The following EIF3A variants were observed in gnomAD, a reference collection of about 807,000 sequenced individuals.
The protein encoded by EIF3A is EIF3, p180 subunit.
A neutral mutation model predicts 186.6 loss-of-function variants in EIF3A; 21 were observed. The ratio of observed to expected loss-of-function variants is 0.11; its 90% CI spans 0.08 to 0.16. The LOEUF is 0.16. Ranked by LOEUF, EIF3A falls within the 10% of genes least tolerant of loss-of-function variation. The pLI, the probability that EIF3A is intolerant of heterozygous loss-of-function variation, is 1.00. For synonymous variants in EIF3A, 563 were observed against 584.3 expected (o/e 0.96, Z 0.52); for missense variants, 1,306 against 1,796.3 (o/e 0.73, Z 4.93).
chr10:119,036,298 A>T lies in EIF3A; in HGVS notation c.3920-30T>A, dbSNP rs770255820. The T allele has an allele frequency of 4.1e-6, 6 of 1,465,692 alleles. No homozygotes were observed. In the East Asian group the frequency reaches 1.2e-4, roughly 29 times the overall value. 90.8% of individuals were successfully genotyped at this position (1,465,692 alleles called of 1,614,324 possible). On this transcript the variant is annotated intron_variant, in intron 21 of 21. Transcript: ENST00000369144. ...AAAGTTTAATTAAAAAAAAAAAATTAAGTTAGTACTATATTCTATTGGCTC... is the reference window on the plus strand; with the variant it reads ...AAAGTTTAATTAAAAAAAAAAAATTTAGTTAGTACTATATTCTATTGGCTC...
Position 119,042,047 on chromosome 10 carries a change from G to A in EIF3A, c.3473C>T (p.Pro1158Leu). The A allele has an allele frequency of 1.2e-6, 2 of 1,614,170 alleles. No homozygotes were observed. The highest frequency in any genetic ancestry group is 1.1e-5 in the South Asian group (1 of 91,086). The change falls in exon 19 of 22, where the codon CCC (proline) becomes CTC (leucine). Residue 1158 changes from proline (P) to leucine (L), a missense_variant. Physicochemically the swap from Pro to Leu is moderately conservative, Grantham distance 98. Around this residue, in one of 8 missense-constraint regions of EIF3A, gnomAD observed 331 missense variants for 365.8 expected, o/e 0.90. Coordinates refer to ENST00000369144, the MANE Select transcript of EIF3A (RefSeq NM_003750.4). The surrounding 1 kb of genome is among the most constrained non-coding windows in gnomAD (Gnocchi z 7.8). ...LSRRADDDRFPRRGDDSRPGP... is the reference protein window; with the variant it reads ...LSRRADDDRFLRRGDDSRPGP... ...AGGTCTTGAGTCATCACCCCGTCTG[G>A]GAAACCGATCATCATCAGCACGTCT...
intron 7 of EIF3A, among the ~76,000 whole-genome samples, chr10:119,064,993 A>G (rs1843948442): frequency 6.6e-6 from 1 of 152,124 alleles, no homozygotes; most frequent in Non-Finnish European, 1.5e-5. Flanking sequence ...TACAGACGTG[A>G]GCCACCACAC....
intron 1 of EIF3A, among the ~76,000 whole-genome samples, chr10:119,078,012 A>G (rs544137494): frequency 2.0e-5 from 3 of 152,350 alleles, no homozygotes; most frequent in South Asian, 4.1e-4. Flanking sequence ...TGGATGGGTG[A>G]GCATTTGGAG....
chr10:119,070,859 GA>G (rs1197952109), intron 5 of EIF3A, 26 bp downstream of exon 5: 1 of 1,528,038 alleles, frequency 6.5e-7, no homozygotes. Context: ...TTATTTCTAG[GA>G]AGAAAAGCTA....
At chr10:119,052,809 T>C (rs1242846892) in intron 14 of EIF3A, among the ~76,000 whole-genome samples, 1 of 152,230 alleles carries the variant, frequency 6.6e-6, no homozygotes, top group East Asian at 1.9e-4. Flanking sequence ...AATGCTGATA[T>C]TTTGACCTCC....
intron 11 of EIF3A, among the ~76,000 whole-genome samples, chr10:119,058,527 G>C (rs1347958358): frequency 6.6e-6 from 1 of 152,200 alleles, no homozygotes; most frequent in Non-Finnish European, 1.5e-5. Context: ...AGCTCTCCTA[G>C]ATAAGACAAC....
intron 7 of EIF3A, among the ~76,000 whole-genome samples, chr10:119,062,053 T>G (rs1339108508): frequency 6.6e-6 from 1 of 152,210 alleles, no homozygotes; most frequent in Non-Finnish European, 1.5e-5. Context: ...CACTCAGGTC[T>G]AAGGTTAACT....
chr10:119,044,450 A>G (rs921744054), intron 17 of EIF3A, among the ~76,000 whole-genome samples: 2 of 152,236 alleles, frequency 1.3e-5, no homozygotes, highest in African/African-American at 4.8e-5. Flanking sequence ...AAAAAGCCAC[A>G]TGCCCTGAAA....
rs1843790609 is a variant in EIF3A, at chr10:119,056,848, G to A, written c.2088C>T (p.Asp696=). Residue 696 remains aspartate (D), a synonymous_variant, in exon 14 of 22, where the codon GAC becomes GAT. Coordinates refer to ENST00000369144, the MANE Select transcript of EIF3A (RefSeq NM_003750.4). The stretch of plus-strand genomic sequence containing the variant: ...CCAAACGTTTGGCTCTTTCAAAATA[G>A]TCAATCTGAATGACACGAAAACACA... ...ERLKNQEKKI[D]YFERAKRLEE... 1 of 1,611,032 alleles carries A rather than the reference G, an allele frequency of 6.2e-7. No individual in the cohort carries two copies. The highest frequency in any genetic ancestry group is 2.2e-5 in the East Asian group (1 of 44,796).
At position 119,058,210 on chromosome 10, in the gene EIF3A, T is replaced by C. The variant is rs1843822845; in HGVS notation, c.1723A>G (p.Ile575Val). Reference protein sequence around the residue: ...HQRILARRQTIEERKERLESL... With the variant: ...HQRILARRQTVEERKERLESL... ...TCAAGGCGCTCTTTTCTCTCCTCAA[T>C]TGTCTGGCGGCGAGCCAGGATCCGC... is the stretch of plus-strand genomic sequence containing the variant. The change falls in exon 12 of 22, where the codon ATT becomes GTT. Residue 575 changes from isoleucine to valine, a missense_variant. Ile to Val is a conservative substitution (Grantham distance 29, BLOSUM62 3). Transcript: ENST00000369144. The C allele has an allele frequency of 6.2e-7, 1 of 1,613,740 alleles. No homozygotes were observed. The highest frequency in any genetic ancestry group is 8.5e-7 in the Non-Finnish European group (1 of 1,179,948).
At chr10:119,071,754 G>T (rs138864256) in intron 4 of EIF3A, among the ~76,000 whole-genome samples, 1 of 152,280 alleles carries the variant, frequency 6.6e-6, no homozygotes, top group African/African-American at 2.4e-5. Context: ...AGCTGGGCGC[G>T]ATGGCTCACG....
At chr10:119,057,375 C>T (rs1843798192) in intron 12 of EIF3A, among the ~76,000 whole-genome samples, 1 of 152,218 alleles carries the variant, frequency 6.6e-6, no homozygotes, top group Non-Finnish European at 1.5e-5. Flanking sequence ...AAATTCCACA[C>T]CTGACCCATG....
intron 5 of EIF3A, among the ~76,000 whole-genome samples, chr10:119,070,245 T>C (rs924493557): frequency 7.9e-5 from 12 of 152,202 alleles, no homozygotes; most frequent in African/African-American, 2.9e-4. Flanking sequence ...ATATGGAACG[T>C]CTTTGTAGGA....
intron 14 of EIF3A, 93 bp downstream of exon 14, chr10:119,056,647 A>G (rs1355517056): frequency 4.9e-6 from 4 of 821,566 alleles, no homozygotes; most frequent in East Asian, 2.7e-5. Context: ...TAGCAGAAGA[A>G]TACAAAATAA....
intron 19 of EIF3A, among the ~76,000 whole-genome samples, chr10:119,039,344 C>T (rs1377794014): frequency 6.6e-6 from 1 of 152,086 alleles, no homozygotes; most frequent in African/African-American, 2.4e-5. Flanking sequence ...GGTGACCTCA[C>T]TGTTTAAAAT....
Position 119,060,792 on chromosome 10 carries a change from T to C in EIF3A, c.1280A>G (p.Tyr427Cys). The C allele has an allele frequency of 6.2e-7, 1 of 1,612,540 alleles. No homozygotes were observed. The highest frequency in any genetic ancestry group is 8.5e-7 in the Non-Finnish European group (1 of 1,179,334). ...QPEKEPELQQ[Y>C]VPQLQNNTIL... ...GGTGTTGTTTTGCAGTTGTGGCACA[T>C]ACTGCTGCAATTCCGGTTCCTTTTC... The change falls in exon 9 of 22, where the codon TAT becomes TGT. Residue 427 changes from tyrosine (Y) to cysteine (C), a missense_variant. Tyr to Cys is a radical substitution (Grantham distance 194). Transcript: ENST00000369144.
chr10:119,061,313 G>A lies in EIF3A; in HGVS notation c.1138C>T (p.Leu380=). The change falls in exon 8 of 22, where the codon CTA becomes TTA. Residue 380 remains leucine, a synonymous_variant. Coordinates refer to ENST00000369144, the MANE Select transcript of EIF3A (RefSeq NM_003750.4). ...LINDMVRFNV[L]QYVVPEVKDL... ...TTCACTTCTGGGACAACATATTGTA[G>A]TACATTAAATCTGACCTACAGTAAG... The A allele has an allele frequency of 6.4e-7, 1 of 1,559,220 alleles. No homozygotes were observed. Among genetic ancestry groups the A allele is most frequent in the African/African-American group, 1.4e-5 (1 of 72,846 alleles).
At chr10:119,036,295 ATT>A in intron 21 of EIF3A, 27 bp from the exon 22 acceptor site, 1 of 1,472,102 alleles carries the variant, frequency 6.8e-7, no homozygotes, top group Non-Finnish European at 9.3e-7. Flanking sequence ...AAAAAAAAAA[ATT>A]AAGTTAGTAC....
intron 17 of EIF3A, among the ~76,000 whole-genome samples, chr10:119,046,534 T>C (rs1032529253): frequency 1.3e-5 from 2 of 152,194 alleles, no homozygotes; most frequent in Admixed American, 1.3e-4. Flanking sequence ...TGTGTAAATA[T>C]CTAGAAGCAA....
Sources: allele counts gnomAD v4.1 joint callset (sites outside exome capture counted in the v4.1 genomes callset), GRCh38; gene constraint gnomAD v4.1.1; regional missense constraint gnomAD v4.1.1; non-coding constraint Gnocchi (gnomAD v3.1); transcripts MANE v1.5; gene names NCBI Gene and HGNC (gene_info 2026-07-23, HGNC 2026-07-21).